Variants in USP48 observed in about 807,000 individuals in gnomAD.
USP48 encodes the protein ubiquitin specific peptidase 48.
In USP48, 43 loss-of-function variants were observed where a neutral mutation model predicts 150.7. That is an observed-to-expected ratio of 0.29 (90% CI 0.22 to 0.37). The LOEUF (loss-of-function observed/expected upper bound fraction) is 0.37, where lower values mean the gene tolerates loss of function less well. USP48 is among the 10% of genes least tolerant of loss of function. USP48 has a pLI of 1.00. For missense variants in USP48, 813 were observed against 1,249.6 expected (o/e 0.65, Z 5.27); for synonymous variants, 396 against 425.9 (o/e 0.93, Z 0.86).
chr1:21,709,522 T>C (rs557152576), intron 15 of USP48, among the ~76,000 whole-genome samples: 2 of 151,962 alleles, frequency 1.3e-5, no homozygotes, highest in Non-Finnish European at 2.9e-5. Context: ...TAGATTTCCA[T>C]GACCTGATTT....
chr1:21,679,966 T>A (rs145805832), intron 26 of USP48, among the ~76,000 whole-genome samples: 295 of 152,356 alleles, frequency 1.9e-3, no homozygotes, highest in African/African-American at 6.8e-3. Flanking sequence ...AGTGCTGGGA[T>A]TACAGGCGTG....
At chr1:21,769,694 A>T (rs2097873438) in intron 1 of USP48, among the ~76,000 whole-genome samples, 1 of 152,158 alleles carries the variant, frequency 6.6e-6, no homozygotes, top group Non-Finnish European at 1.5e-5. Context: ...TAAAGGCGTA[A>T]GCCACTGCGC....
chr1:21,773,984 A>G (rs1207376988), intron 1 of USP48, among the ~76,000 whole-genome samples: 1 of 152,012 alleles, frequency 6.6e-6, no homozygotes, highest in Non-Finnish European at 1.5e-5. Context: ...TTTTTAAAAA[A>G]CTATGTAACT....
At chr1:21,698,677 A>G (rs2097645266) in intron 22 of USP48, among the ~76,000 whole-genome samples, 1 of 152,158 alleles carries the variant, frequency 6.6e-6, no homozygotes, top group African/African-American at 2.4e-5. Flanking sequence ...ACAGCAGGCA[A>G]TAAAAGATTT....
chr1:21,732,365 T>TGCCTCAACACTGAGGTCC (rs2097759068), intron 9 of USP48, among the ~76,000 whole-genome samples: 1 of 152,182 alleles, frequency 6.6e-6, no homozygotes, highest in Admixed American at 6.6e-5. Context: ...AAAATGGATC[T>TGCCTCAACACTGAGGTCC]GCCTCAACAC....
intron 9 of USP48, among the ~76,000 whole-genome samples, chr1:21,733,037 G>A (rs1246536498): frequency 3.3e-5 from 5 of 152,152 alleles, no homozygotes; most frequent in Admixed American, 2.0e-4. Flanking sequence ...AACAAAAAAG[G>A]TTGGAAGATC....
chr1:21,771,805 G>GATA (rs2097881555), intron 1 of USP48, among the ~76,000 whole-genome samples: 1 of 4,608 alleles, frequency 2.2e-4, no homozygotes, highest in Non-Finnish European at 4.9e-3. Context: ...TGTAATCCCA[G>GATA]CTGTCAGGGG....
rs2097557014 is a variant in USP48, at chr1:21,678,331, T to TA, written c.*1085dup. On this transcript the variant is annotated 3_prime_UTR_variant, in exon 27 of 27. Transcript: ENST00000308271. ...GAAAAACTCCAGTCTTAAGTTCAAT[T>TA]AAAAAAACCCCTTCAATATTCTTAA... is the stretch of plus-strand genomic sequence containing the variant. The TA allele has an allele frequency of 1.3e-5, 2 of 151,464 alleles. No individual in the cohort carries two copies. The highest frequency in any genetic ancestry group is 1.5e-5 in the Non-Finnish European group (1 of 67,854). 9.4% of individuals were successfully genotyped at this position (151,464 alleles called of 1,614,324 possible).
At chr1:21,751,696 G>T in intron 5 of USP48, 81 bp from the exon 6 acceptor site, 1 of 1,034,422 alleles carries the variant, frequency 9.7e-7, no homozygotes, top group Non-Finnish European at 1.5e-6. Flanking sequence ...CTAGAAAGAT[G>T]GAAAAAAGCA....
chr1:21,684,342 C>T (rs2097575015), intron 25 of USP48, among the ~76,000 whole-genome samples: 1 of 152,164 alleles, frequency 6.6e-6, no homozygotes, highest in East Asian at 1.9e-4. Context: ...GATGGTATCT[C>T]ACTGTGATTT....
chr1:21,706,379 C>G, intron 17 of USP48, 88 bp downstream of exon 17: 1 of 1,585,372 alleles, frequency 6.3e-7, no homozygotes. Context: ...ATGAGAAGTT[C>G]TGGGTTGTTC....
At chr1:21,734,302 G>A (rs1380283372) in intron 9 of USP48, among the ~76,000 whole-genome samples, 2 of 152,146 alleles carry the variant, frequency 1.3e-5, no homozygotes, top group African/African-American at 2.4e-5. Flanking sequence ...GGGAAGCTGA[G>A]GCAGGAGGAT....
intron 6 of USP48, among the ~76,000 whole-genome samples, chr1:21,749,712 C>T (rs2097804271): frequency 6.6e-6 from 1 of 152,180 alleles, no homozygotes; most frequent in South Asian, 2.1e-4. Flanking sequence ...AGGCAATTCT[C>T]CAGCCTCAGC....
intron 6 of USP48, 63 bp from the exon 7 acceptor site, chr1:21,748,334 C>T (rs2152573602): frequency 6.9e-7 from 1 of 1,442,110 alleles, no homozygotes; most frequent in Non-Finnish European, 9.4e-7. Flanking sequence ...GTGATAAAAC[C>T]CTTGATGTAA....
In USP48 at chr1:21,678,746, C is replaced by A; in HGVS notation, c.*671G>T. On this transcript the variant is annotated 3_prime_UTR_variant, in exon 27 of 27. Transcript: ENST00000308271. ...AAGCAAAAAGCCTCTGAAGTCAAAA[C>A]ATGAGACATAATTCCTTGCTCATTG... The A allele has an allele frequency of 6.6e-6, 1 of 152,298 alleles. No homozygotes were observed. Among genetic ancestry groups the A allele is most frequent in the East Asian group, 1.9e-4 (1 of 5,210 alleles). 9.4% of individuals were successfully genotyped at this position (152,298 alleles called of 1,614,324 possible).
intron 3 of USP48, among the ~76,000 whole-genome samples, chr1:21,754,363 T>C (rs1459817480): frequency 6.6e-6 from 1 of 152,162 alleles, no homozygotes; most frequent in Non-Finnish European, 1.5e-5. Context: ...CAATTCACAC[T>C]TAAGTGAAGA....
chr1:21,762,584 C>G (rs926046067), intron 1 of USP48, among the ~76,000 whole-genome samples: 1 of 152,064 alleles, frequency 6.6e-6, no homozygotes, highest in East Asian at 1.9e-4. Context: ...ATTTTTCACA[C>G]GGGCCGGGCG....
chr1:21,781,412 C>A (rs1383328035), intron 1 of USP48, among the ~76,000 whole-genome samples: 1 of 152,024 alleles, frequency 6.6e-6, no homozygotes, highest in Non-Finnish European at 1.5e-5. Flanking sequence ...GCACTCTAGC[C>A]TGGGCAATAA....
intron 8 of USP48, 29 bp downstream of exon 8, chr1:21,747,038 T>C (rs904012038): frequency 9.9e-6 from 15 of 1,512,590 alleles, no homozygotes; most frequent in African/African-American, 7.0e-5. Flanking sequence ...CTGAGCATTA[T>C]AATGTTTACT....
Sources: allele counts gnomAD v4.1 joint callset (sites outside exome capture counted in the v4.1 genomes callset), GRCh38; gene constraint gnomAD v4.1.1; transcripts MANE v1.5; gene names NCBI Gene and HGNC (gene_info 2026-07-23, HGNC 2026-07-21).